The following WNT1 variants were observed in gnomAD, a reference collection of about 807,000 sequenced individuals.
WNT1 encodes the protein Wnt family member 1.
In WNT1, 10 loss-of-function variants were observed where a neutral mutation model predicts 21.3. The observed-to-expected ratio is 0.47, with a 90% CI of 0.29 to 0.80. The LOEUF is 0.80. WNT1 is among the 30% of genes least tolerant of loss of function. The pLI is 0.09. For synonymous variants in WNT1, 208 were observed against 236.3 expected (o/e 0.88, Z 1.10); for missense variants, 476 against 534.1 (o/e 0.89, Z 1.07).
rs1344952654 is a variant in WNT1, at chr12:48,978,454, C to G, written c.-197C>G. On this transcript the variant is annotated 5_prime_UTR_variant, in exon 1 of 4. Transcript: ENST00000293549. This position sits in a 1 kb window ranked among gnomAD's most constrained non-coding sequence, Gnocchi z 7.4. ...CAGCCAGCGCCGCAACTATAAGAGGCGGTGCCGCCCGCCGTGGCCGCCTCA... is the reference window on the plus strand; with the variant it reads ...CAGCCAGCGCCGCAACTATAAGAGGGGGTGCCGCCCGCCGTGGCCGCCTCA... The G allele has an allele frequency of 3.4e-6, 2 of 586,678 alleles. No individual in the cohort carries two copies. The highest frequency in any genetic ancestry group is 3.0e-5 in the East Asian group (1 of 33,260). 36.3% of individuals were successfully genotyped at this position (586,678 alleles called of 1,614,324 possible). A position where few individuals can be genotyped will look rare whatever the true frequency, so the allele number is the denominator to read the frequency against.
rs1940962332 is a variant in WNT1, at chr12:48,978,326, G to A, written c.-325G>A. On this transcript the variant is annotated 5_prime_UTR_variant, in exon 1 of 4. Transcript: ENST00000293549. The surrounding 1 kb of genome is among the most constrained non-coding windows in gnomAD (Gnocchi z 7.4). ...CAACCCGTCAGCTCTCGGCTCAGACGGGCGGGAACCACAGCCCCGCTCGCT... is the reference window on the plus strand; with the variant it reads ...CAACCCGTCAGCTCTCGGCTCAGACAGGCGGGAACCACAGCCCCGCTCGCT... The A allele has an allele frequency of 8.6e-6, 3 of 348,094 alleles. No individual in the cohort carries two copies. Among genetic ancestry groups the A allele is most frequent in the Non-Finnish European group, 1.6e-5 (3 of 188,378 alleles). 21.6% of individuals were successfully genotyped at this position (348,094 alleles called of 1,614,324 possible).
Position 48,980,756 on chromosome 12 carries a change from C to G in WNT1, c.624+67C>G. 1 of 1,472,986 alleles carries G rather than the reference C, an allele frequency of 6.8e-7. No individual in the cohort carries two copies. Among genetic ancestry groups the G allele is most frequent in the East Asian group, 2.4e-5 (1 of 41,688 alleles). The allele number at this position is 1,472,986 out of a possible 1,614,324, so 91.2% of individuals were successfully genotyped here. ...GGCCAACCTCGGGCTGGGGAAGTGA[C>G]GGTCGGTGAGATAAGGCAAGGGGCA... is the stretch of plus-strand genomic sequence containing the variant. On this transcript the variant is annotated intron_variant, in intron 3 of 3. Transcript: ENST00000293549. The surrounding 1 kb of genome is among the most constrained non-coding windows in gnomAD (Gnocchi z 7.0).
At position 48,978,898 on chromosome 12, in the gene WNT1, T is replaced by G. The variant is rs1356327110; in HGVS notation, c.104+144T>G. 1.6e-6 allele frequency: 1 copy of G among 635,716 alleles called. No individual in the cohort carries two copies. Among genetic ancestry groups the G allele is most frequent in the Non-Finnish European group, 2.7e-6 (1 of 374,044 alleles). The allele number at this position is 635,716 out of a possible 1,614,324, so 39.4% of individuals were successfully genotyped here. ...CCCTCCGCGACACCGAAGGGCGATC[T>G]GGCATGAAACTGCCCCAGACTCCAG... On this transcript the variant is annotated intron_variant, in intron 1 of 3. Transcript: ENST00000293549. The surrounding 1 kb of genome is among the most constrained non-coding windows in gnomAD (Gnocchi z 7.4).
At position 48,981,688 on chromosome 12, in the gene WNT1, C is replaced by G; in HGVS notation, c.*48C>G. ...AGGAACGCTCTCCTCGAGCCCTCCC[C>G]CAAACAGACTCGCTAGCACTCAAGA... is the stretch of plus-strand genomic sequence containing the variant. On this transcript the variant is annotated 3_prime_UTR_variant, in exon 4 of 4. Coordinates refer to ENST00000293549, the MANE Select transcript of WNT1 (RefSeq NM_005430.4). This position sits in a 1 kb window ranked among gnomAD's most constrained non-coding sequence, Gnocchi z 7.4. 2 of 1,418,932 alleles carry G rather than the reference C, an allele frequency of 1.4e-6. No homozygotes were observed. The highest frequency in any genetic ancestry group is 1.8e-6 in the Non-Finnish European group (2 of 1,092,238). The allele number at this position is 1,418,932 out of a possible 1,614,324, so 87.9% of individuals were successfully genotyped here. A position where few individuals can be genotyped will look rare whatever the true frequency, so the allele number is the denominator to read the frequency against.
In WNT1 at chr12:48,979,426, C is replaced by T. The variant is rs1025267815; in HGVS notation, c.105-42C>T. Reference sequence around the variant, plus strand: ...TGGCACAGTTTTTATGGTTAGGGTGCGGATCCCCTTCCTGAGCCTGAGCTA... The same window carrying T: ...TGGCACAGTTTTTATGGTTAGGGTGTGGATCCCCTTCCTGAGCCTGAGCTA... On this transcript the variant is annotated intron_variant, in intron 1 of 3. Coordinates refer to ENST00000293549, the MANE Select transcript of WNT1 (RefSeq NM_005430.4). This position sits in a 1 kb window ranked among gnomAD's most constrained non-coding sequence, Gnocchi z 6.0. The T allele has an allele frequency of 9.0e-6, 14 of 1,558,112 alleles. No homozygotes were observed. Among genetic ancestry groups the T allele is most frequent in the African/African-American group, 1.4e-5 (1 of 73,728 alleles).
rs1940973700 is a variant in WNT1 at position 48,979,011 on chromosome 12, C to T, written c.104+257C>T. Reference sequence around the variant, plus strand: ...CACTCTCATCTAGCACCGCCCTTCCCCTTTGAGCGCCAACTCCAGCCTCAC... The same window carrying T: ...CACTCTCATCTAGCACCGCCCTTCCTCTTTGAGCGCCAACTCCAGCCTCAC... On this transcript the variant is annotated intron_variant, in intron 1 of 3. Transcript: ENST00000293549. The surrounding 1 kb of genome is among the most constrained non-coding windows in gnomAD (Gnocchi z 6.0). Among the ~76,000 whole-genome samples the T allele has an allele frequency of 6.6e-6, 1 of 152,272 alleles. No homozygotes were observed. The highest frequency in any genetic ancestry group is 2.1e-4 in the South Asian group (1 of 4,836).
Position 48,981,543 on chromosome 12 carries a change from A to C in WNT1, c.1016A>C (p.Gln339Pro). 6.5e-7 allele frequency: 1 copy of C among 1,538,982 alleles called. No homozygotes were observed. The highest frequency in any genetic ancestry group is 8.7e-7 in the Non-Finnish European group (1 of 1,143,046). ...GGCAGGGGCCACCGCACGCGCACGCAGCGCGTCACCGAGCGCTGCAACTGC... is the reference window on the plus strand; with the variant it reads ...GGCAGGGGCCACCGCACGCGCACGCCGCGCGTCACCGAGCGCTGCAACTGC... ...CCGRGHRTRT[Q>P]RVTERCNCTF... Residue 339 changes from glutamine (Q) to proline (P), a missense_variant, in exon 4 of 4, where the codon CAG becomes CCG. Gln to Pro is a moderately conservative substitution (Grantham distance 76, BLOSUM62 -1). Coordinates refer to ENST00000293549, the MANE Select transcript of WNT1 (RefSeq NM_005430.4). This position sits in a 1 kb window ranked among gnomAD's most constrained non-coding sequence, Gnocchi z 7.4.
chr12:48,978,896 T>G lies in WNT1; in HGVS notation c.104+142T>G. ...TTCCCTCCGCGACACCGAAGGGCGA[T>G]CTGGCATGAAACTGCCCCAGACTCC... is the stretch of plus-strand genomic sequence containing the variant. On this transcript the variant is annotated intron_variant, in intron 1 of 3. Transcript: ENST00000293549. The surrounding 1 kb of genome is among the most constrained non-coding windows in gnomAD (Gnocchi z 7.4). 1.6e-6 allele frequency: 1 copy of G among 637,578 alleles called. No homozygotes were observed. Among genetic ancestry groups the G allele is most frequent in the South Asian group, 2.0e-5 (1 of 50,528 alleles). The allele number at this position is 637,578 out of a possible 1,614,324, so 39.5% of individuals were successfully genotyped here. A position where few individuals can be genotyped will look rare whatever the true frequency, so the allele number is the denominator to read the frequency against.
rs889328711 is a variant in WNT1, at chr12:48,982,560, C to T, written c.*920C>T. 6.6e-6 allele frequency among the ~76,000 whole-genome samples: 1 copy of T among 152,160 alleles called. No homozygotes were observed. Among genetic ancestry groups the T allele is most frequent in the Non-Finnish European group, 1.5e-5 (1 of 68,032 alleles). ...CCTTCCACTGTAGCTATTAGCGGCT[C>T]CTCGCCCCCACCAGTGTAGCATCTT... On this transcript the variant is annotated 3_prime_UTR_variant, in exon 4 of 4. Coordinates refer to ENST00000293549, the MANE Select transcript of WNT1 (RefSeq NM_005430.4).
Position 48,981,672 on chromosome 12 carries a change from C to A in WNT1, c.*32C>A. The stretch of plus-strand genomic sequence containing the variant: ...GCGCGGACTCGCCCCCAGGAACGCT[C>A]TCCTCGAGCCCTCCCCCAAACAGAC... On this transcript the variant is annotated 3_prime_UTR_variant, in exon 4 of 4. Transcript: ENST00000293549. This position sits in a 1 kb window ranked among gnomAD's most constrained non-coding sequence, Gnocchi z 7.4. 1 of 1,424,638 alleles carries A rather than the reference C, an allele frequency of 7.0e-7. No individual in the cohort carries two copies. Among genetic ancestry groups the A allele is most frequent in the Non-Finnish European group, 9.1e-7 (1 of 1,094,024 alleles). The allele number at this position is 1,424,638 out of a possible 1,614,324, so 88.2% of individuals were successfully genotyped here.
Position 48,982,014 on chromosome 12 carries a change from C to G in WNT1, c.*374C>G, listed in dbSNP as rs1417733744. On this transcript the variant is annotated 3_prime_UTR_variant, in exon 4 of 4. Coordinates refer to ENST00000293549, the MANE Select transcript of WNT1 (RefSeq NM_005430.4). The stretch of plus-strand genomic sequence containing the variant: ...TCCATCGCGCCAGCGACCTCTCTGC[C>G]TCTCTTCTTCCCCTTTGTCCTGCGT... 6.6e-6 allele frequency among the ~76,000 whole-genome samples: 1 copy of G among 152,212 alleles called. No homozygotes were observed. The highest frequency in any genetic ancestry group is 1.5e-5 in the Non-Finnish European group (1 of 68,036).
Position 48,981,869 on chromosome 12 carries a change from ACCTCCCTC to A in WNT1, c.*234_*241del, listed in dbSNP as rs1311265297. Among the ~76,000 whole-genome samples, 1 of 151,114 alleles carries A rather than the reference ACCTCCCTC, an allele frequency of 6.6e-6. No individual in the cohort carries two copies. The highest frequency in any genetic ancestry group is 1.5e-5 in the Non-Finnish European group (1 of 67,794). On this transcript the variant is annotated 3_prime_UTR_variant, in exon 4 of 4. Coordinates refer to ENST00000293549, the MANE Select transcript of WNT1 (RefSeq NM_005430.4). The surrounding 1 kb of genome is among the most constrained non-coding windows in gnomAD (Gnocchi z 7.4). ...ATCCTGATGGACCTGCCCCGGACCT[ACCTCCCTC>A]CCTCTCCGCGGGAGACCCCTTGTTG...
rs1940977604 is a variant in WNT1 at position 48,979,229 on chromosome 12, G to A, written c.105-239G>A. Among the ~76,000 whole-genome samples the A allele has an allele frequency of 6.6e-6, 1 of 152,208 alleles. No homozygotes were observed. The highest frequency in any genetic ancestry group is 1.5e-5 in the Non-Finnish European group (1 of 68,040). On this transcript the variant is annotated intron_variant, in intron 1 of 3. Transcript: ENST00000293549. This position sits in a 1 kb window ranked among gnomAD's most constrained non-coding sequence, Gnocchi z 6.0. ...TCCAAGGTAGACACTCGGTCTCCGG[G>A]TACCTCCTCTGTCCAGTCTCCGGAC...
Position 48,980,429 on chromosome 12 carries a change from C to T in WNT1, c.364C>T (p.Arg122Ter), listed in dbSNP as rs769853984. ...CCCGCTCCCTTCTCCCACAGGCTGT[C>T]GAGAAACGGCGTTTATCTTCGCTAT... ...LFGKIVNRGC[R>*]ETAFIFAITS... The change falls in exon 3 of 4, where the codon CGA (arginine) becomes TGA (stop). Residue 122 changes from arginine (R) to a stop codon, truncating the protein, a stop_gained. Transcript: ENST00000293549. LOFTEE classifies it high-confidence loss of function. This position sits in a 1 kb window ranked among gnomAD's most constrained non-coding sequence, Gnocchi z 7.0. 1 of 1,614,212 alleles carries T rather than the reference C, an allele frequency of 6.2e-7. No individual in the cohort carries two copies. Among genetic ancestry groups the T allele is most frequent in the Admixed American group, 1.7e-5 (1 of 60,030 alleles).
In WNT1 at chr12:48,980,283, C is replaced by T; in HGVS notation, c.359-141C>T. 1 of 968,934 alleles carries T rather than the reference C, an allele frequency of 1.0e-6. No homozygotes were observed. The highest frequency in any genetic ancestry group is 1.5e-6 in the Non-Finnish European group (1 of 648,194). 60.0% of individuals were successfully genotyped at this position (968,934 alleles called of 1,614,324 possible). ...TGCTTTCTCTACTAGCCCTAGAGAC[C>T]AGCTTTCCAGCACTGCCGGCCCTGG... On this transcript the variant is annotated intron_variant, in intron 2 of 3. Coordinates refer to ENST00000293549, the MANE Select transcript of WNT1 (RefSeq NM_005430.4). The surrounding 1 kb of genome is among the most constrained non-coding windows in gnomAD (Gnocchi z 7.0).
chr12:48,978,813 C>A lies in WNT1; in HGVS notation c.104+59C>A. ...CGCGGCACAGAGCCAGGGGCCAACC[C>A]TACCCAGCTCCCACGCTCTGGGATC... On this transcript the variant is annotated intron_variant, in intron 1 of 3. Transcript: ENST00000293549. The surrounding 1 kb of genome is among the most constrained non-coding windows in gnomAD (Gnocchi z 7.4). 2 of 1,191,646 alleles carry A rather than the reference C, an allele frequency of 1.7e-6. No individual in the cohort carries two copies. The highest frequency in any genetic ancestry group is 2.9e-5 in the South Asian group (2 of 69,736). 73.8% of individuals were successfully genotyped at this position (1,191,646 alleles called of 1,614,324 possible).
chr12:48,979,580 C>G lies in WNT1; in HGVS notation c.217C>G (p.Arg73Gly). 2 of 1,614,154 alleles carry G rather than the reference C, an allele frequency of 1.2e-6. No homozygotes were observed. The highest frequency in any genetic ancestry group is 4.5e-5 in the East Asian group (2 of 44,884). ...GAGCCGCAAACAGCGGCGTCTGATA[C>G]GCCAAAATCCGGGGATCCTGCACAG... is the stretch of plus-strand genomic sequence containing the variant. ...LLSRKQRRLIRQNPGILHSVS... is the reference protein window; with the variant it reads ...LLSRKQRRLIGQNPGILHSVS... The change falls in exon 2 of 4, where the codon CGC becomes GGC. Residue 73 changes from arginine (R) to glycine (G), a missense_variant. By Grantham distance (125) the Arg-to-Gly change is moderately radical. Transcript: ENST00000293549. This position sits in a 1 kb window ranked among gnomAD's most constrained non-coding sequence, Gnocchi z 6.0.
Position 48,978,510 on chromosome 12 carries a change from T to C in WNT1, c.-141T>C. ...CCAGCCGGGACCGCGAGCCATGCTG[T>C]CCGCCGCCCGCCCCCAGGGTTGTTA... On this transcript the variant is annotated 5_prime_UTR_variant, in exon 1 of 4. Coordinates refer to ENST00000293549, the MANE Select transcript of WNT1 (RefSeq NM_005430.4). The surrounding 1 kb of genome is among the most constrained non-coding windows in gnomAD (Gnocchi z 7.4). 1.5e-6 allele frequency: 1 copy of C among 653,856 alleles called. No homozygotes were observed. The highest frequency in any genetic ancestry group is 2.7e-6 in the Non-Finnish European group (1 of 371,722). The allele number at this position is 653,856 out of a possible 1,614,324, so 40.5% of individuals were successfully genotyped here.
In WNT1 at chr12:48,980,964, C is replaced by A. The variant is rs1941004587; in HGVS notation, c.625-188C>A. On this transcript the variant is annotated intron_variant, in intron 3 of 3. Coordinates refer to ENST00000293549, the MANE Select transcript of WNT1 (RefSeq NM_005430.4). This position sits in a 1 kb window ranked among gnomAD's most constrained non-coding sequence, Gnocchi z 7.0. ...CTGAGAGGCCGAGACTGACTCGCCG[C>A]GGCGGAGCAGGGTTGGGCAGGGTTT... Among the ~76,000 whole-genome samples the A allele has an allele frequency of 2.6e-5, 4 of 152,220 alleles. No individual in the cohort carries two copies. Among genetic ancestry groups the A allele is most frequent in the Non-Finnish European group, 5.9e-5 (4 of 68,034 alleles).
Sources: allele counts gnomAD v4.1 joint callset (sites outside exome capture counted in the v4.1 genomes callset), GRCh38; gene constraint gnomAD v4.1.1; non-coding constraint Gnocchi (gnomAD v3.1); transcripts MANE v1.5; gene names NCBI Gene and HGNC (gene_info 2026-07-23, HGNC 2026-07-21).